Variants in DIO2 observed in about 807,000 individuals in gnomAD.
The protein encoded by DIO2 is iodothyronine deiodinase 2, also known as type II iodothyronine deiodinase.
Under a neutral mutation model 21.4 loss-of-function variants are expected in DIO2, and 19 were observed. That is an observed-to-expected ratio of 0.89 (90% CI 0.62 to 1.30). DIO2 has a LOEUF of 1.30. Among genes scored for constraint, DIO2 ranks in the 50% most tolerant of loss-of-function variants. The pLI is 0.00. For missense variants in DIO2, 302 were observed against 338.1 expected (o/e 0.89, Z 0.84); for synonymous variants, 122 against 132.9 (o/e 0.92, Z 0.57).
chr14:80,211,501 G>C lies in DIO2; in HGVS notation c.-29C>G, dbSNP rs779024875. 2.0e-6 allele frequency: 3 copies of C among 1,527,432 alleles called. No individual in the cohort carries two copies. The South Asian group carries it at 3.5e-5, about 18-fold the overall frequency. The allele number at this position is 1,527,432 out of a possible 1,614,324, so 94.6% of individuals were successfully genotyped here. A position where few individuals can be genotyped will look rare whatever the true frequency, so the allele number is the denominator to read the frequency against. On this transcript the variant is annotated 5_prime_UTR_variant, in exon 1 of 2. Coordinates refer to ENST00000438257, the MANE Select transcript of DIO2 (RefSeq NM_013989.5). ...CTCTGCCTCCTGAGTCAGTTCCCTT[G>C]TGCGCTCTGGTTCCCCTTCACCCTC...
intron 2 of DIO2, among the ~76,000 whole-genome samples, chr14:80,227,525 A>G (rs1214870541): frequency 6.6e-6 from 1 of 152,226 alleles, no homozygotes; most frequent in African/African-American, 2.4e-5. Context: ...AGGCCCAGGA[A>G]CAGGCAAAGA....
rs1364652553 is a variant in DIO2, at chr14:80,198,214, T to C, written c.*4475A>G. On this transcript the variant is annotated 3_prime_UTR_variant, in exon 2 of 2. Transcript: ENST00000438257. ...TTAAACATCTGCTGGGTCTTCGAAG[T>C]CTCAGTAAATATTGAATAAGCTCCC... is the stretch of plus-strand genomic sequence containing the variant. 1 of 152,504 alleles carries C rather than the reference T, an allele frequency of 6.6e-6. No homozygotes were observed. The highest frequency in any genetic ancestry group is 1.5e-5 in the Non-Finnish European group (1 of 68,028). 9.4% of individuals were successfully genotyped at this position (152,504 alleles called of 1,614,324 possible). A position where few individuals can be genotyped will look rare whatever the true frequency, so the allele number is the denominator to read the frequency against.
At chr14:80,210,872 C>T (rs1440250074) in intron 1 of DIO2, among the ~76,000 whole-genome samples, 1 of 152,152 alleles carries the variant, frequency 6.6e-6, no homozygotes, top group East Asian at 1.9e-4. Context: ...AGCCTCCCAT[C>T]AAGCAAAAAA....
chr14:80,220,433 G>A (rs1888443660), intron 2 of DIO2, among the ~76,000 whole-genome samples: 1 of 152,152 alleles, frequency 6.6e-6, no homozygotes, highest in Admixed American at 6.5e-5. Context: ...CATTAGTGGT[G>A]AAGATAGCAA....
chr14:80,212,895 C>T (rs1171732710), upstream of DIO2, among the ~76,000 whole-genome samples: 2 of 150,134 alleles, frequency 1.3e-5, no homozygotes, highest in East Asian at 1.9e-4. Flanking sequence ...AGGAGCTAGG[C>T]GACATTCTTT....
At chr14:80,211,675 GTC>G, upstream of DIO2, 1 of 441,204 alleles carries the variant, frequency 2.3e-6, no homozygotes, top group Non-Finnish European at 4.1e-6. Flanking sequence ...ACTAAGTCCA[GTC>G]TCTCCAGCCC....
chr14:80,219,482 C>G (rs1265122301), intron 2 of DIO2: 1 of 148,622 alleles, frequency 6.7e-6, no homozygotes, highest in African/African-American at 2.5e-5. Context: ...CAAAATCACT[C>G]AAAGGATTGA....
intron 1 of DIO2, among the ~76,000 whole-genome samples, chr14:80,209,087 T>C (rs1373490104): frequency 6.6e-6 from 1 of 152,140 alleles, no homozygotes; most frequent in East Asian, 1.9e-4. Context: ...TTTCCTAGAA[T>C]AGGAATAACA....
intron 2 of DIO2, among the ~76,000 whole-genome samples, chr14:80,220,138 G>A (rs1311310170): frequency 6.6e-6 from 1 of 151,868 alleles, no homozygotes; most frequent in East Asian, 1.9e-4. Context: ...GCAGTGGCGC[G>A]ATCTTGGCTC....
chr14:80,219,761 G>A (rs922994173), intron 2 of DIO2, among the ~76,000 whole-genome samples: 11 of 152,264 alleles, frequency 7.2e-5, no homozygotes, highest in Middle Eastern at 3.4e-3. Context: ...TCTGTGTGAA[G>A]CCAGAGTCAA....
rs548845517 is a variant in DIO2, at chr14:80,205,668, G to A, written c.223-2380C>T. On this transcript the variant is annotated intron_variant, in intron 1 of 1. Transcript: ENST00000438257. ...CTTAGAAACAATGTATAGTTCAGCT[G>A]CAGAATTCTTTCCAAAACACAGACT... 6.3e-5 allele frequency: 84 copies of A among 1,332,716 alleles called. 1 individual carries two copies. The South Asian group carries it at 9.5e-4, about 15-fold the overall frequency. 82.6% of individuals were successfully genotyped at this position (1,332,716 alleles called of 1,614,324 possible).
exon 3 of DIO2, chr14:80,216,716 A>C (rs984940850): frequency 6.6e-6 from 1 of 152,140 alleles, no homozygotes; most frequent in Non-Finnish European, 1.5e-5. Context: ...CTGTGACTCA[A>C]TCTCTTCTTT....
At chr14:80,212,551 G>A (rs781084540), upstream of DIO2, among the ~76,000 whole-genome samples, 1 of 152,090 alleles carries the variant, frequency 6.6e-6, no homozygotes, top group Admixed American at 6.5e-5. Flanking sequence ...AAAGGATCCT[G>A]GAAGGCAGGT....
At position 80,203,308 on chromosome 14, in the gene DIO2, A is replaced by AG. The variant is rs1282504727; in HGVS notation, c.223-21_223-20insC. On this transcript the variant is annotated intron_variant, in intron 1 of 1. Transcript: ENST00000438257. ...TTTCACCTGACGGTAAAAAAAAAAA[A>AG]AAAGAAGAAGAAGAAGAAGGTGAGA... 2.7e-6 allele frequency: 4 copies of AG among 1,485,416 alleles called. No homozygotes were observed. Among genetic ancestry groups the AG allele is most frequent in the African/African-American group, 1.4e-5 (1 of 69,656 alleles). The allele number at this position is 1,485,416 out of a possible 1,614,324, so 92.0% of individuals were successfully genotyped here.
intron 2 of DIO2, among the ~76,000 whole-genome samples, chr14:80,218,776 G>A (rs373311524): frequency 1.6e-4 from 25 of 152,128 alleles, no homozygotes; most frequent in African/African-American, 4.8e-4. Context: ...CCAGGAGTTC[G>A]AGACCAGCCT....
In DIO2 at chr14:80,200,520, T is replaced by C. The variant is rs1314076974; in HGVS notation, c.*2169A>G. 1 of 152,228 alleles carries C rather than the reference T, an allele frequency of 6.6e-6. No individual in the cohort carries two copies. Among genetic ancestry groups the C allele is most frequent in the African/African-American group, 2.4e-5 (1 of 41,412 alleles). The allele number at this position is 152,228 out of a possible 1,614,324, so 9.4% of individuals were successfully genotyped here. A position where few individuals can be genotyped will look rare whatever the true frequency, so the allele number is the denominator to read the frequency against. On this transcript the variant is annotated 3_prime_UTR_variant, in exon 2 of 2. Transcript: ENST00000438257. Reference sequence around the variant, plus strand: ...ACAGTGTGAATGTGCTGCAACCAGGTTTTTTATTTTACTGCTTTAGGGTTC... The same window carrying C: ...ACAGTGTGAATGTGCTGCAACCAGGCTTTTTATTTTACTGCTTTAGGGTTC...
chr14:80,203,891 A>G (rs1887847285), intron 1 of DIO2, among the ~76,000 whole-genome samples: 1 of 152,222 alleles, frequency 6.6e-6, no homozygotes. Context: ...TAACCTCTTT[A>G]GTGATTCAGC....
upstream of DIO2, among the ~76,000 whole-genome samples, chr14:80,213,817 C>A (rs922015184): frequency 4.6e-5 from 7 of 152,196 alleles, no homozygotes; most frequent in African/African-American, 1.7e-4. Flanking sequence ...CAACCCTCAG[C>A]ATTCCCTACA....
chr14:80,214,289 C>T (rs1888297845), upstream of DIO2, among the ~76,000 whole-genome samples: 1 of 152,188 alleles, frequency 6.6e-6, no homozygotes, highest in Admixed American at 6.5e-5. Context: ...CAGCTTTAAA[C>T]CAATTCTCTC....
Sources: allele counts gnomAD v4.1 joint callset (sites outside exome capture counted in the v4.1 genomes callset), GRCh38; gene constraint gnomAD v4.1.1; transcripts MANE v1.5; gene names NCBI Gene and HGNC (gene_info 2026-07-23, HGNC 2026-07-21).